KCNG2: variants seen among roughly 807,000 people sequenced by gnomAD.
KCNG2 encodes voltage-gated potassium channel regulatory subunit KCNG2.
In KCNG2, 7 loss-of-function variants were observed where a neutral mutation model predicts 12.3. That is an observed-to-expected ratio of 0.57 (90% CI 0.32 to 1.07). KCNG2 has a LOEUF of 1.07. KCNG2 is among the 50% of genes least tolerant of loss of function. The pLI, the probability that KCNG2 is intolerant of heterozygous loss-of-function variation, is 0.04. For missense variants in KCNG2, 703 were observed against 726.0 expected (o/e 0.97, Z 0.36); for synonymous variants, 414 against 351.4 (o/e 1.18, Z -1.99).
chr18:79,896,594 T>C (rs1980984775), intron 3 of KCNG2, among the ~76,000 whole-genome samples: 2 of 152,254 alleles, frequency 1.3e-5, no homozygotes, highest in African/African-American at 4.8e-5. Context: ...GTTATATACA[T>C]CTTATTTTTA....
chr18:79,868,375 G>A (rs142745985), intron 3 of KCNG2, among the ~76,000 whole-genome samples: 1 of 150,638 alleles, frequency 6.6e-6, no homozygotes, highest in Non-Finnish European at 1.5e-5. Flanking sequence ...CGCCCTCCGC[G>A]TGGGGCCTGG....
chr18:79,832,694 C>T (rs1978302933), intron 1 of KCNG2, among the ~76,000 whole-genome samples: 1 of 152,216 alleles, frequency 6.6e-6, no homozygotes, highest in Admixed American at 6.5e-5. Flanking sequence ...CTGCCCAGGC[C>T]ACAGCCAGAT....
chr18:79,877,607 A>G (rs1379247768), intron 3 of KCNG2, among the ~76,000 whole-genome samples: 1 of 150,774 alleles, frequency 6.6e-6, no homozygotes, highest in Non-Finnish European at 1.5e-5. Flanking sequence ...ACTCAGAATC[A>G]GCCTCGTTCC....
At chr18:79,827,277 G>A (rs2123015948) in intron 1 of KCNG2, among the ~76,000 whole-genome samples, 1 of 152,366 alleles carries the variant, frequency 6.6e-6, no homozygotes, top group Admixed American at 6.5e-5. Context: ...AGGAGATGTG[G>A]GTGGGATCCC....
At chr18:79,885,245 C>CTTTT (rs1980478909) in intron 3 of KCNG2, among the ~76,000 whole-genome samples, 1 of 152,198 alleles carries the variant, frequency 6.6e-6, no homozygotes, top group Non-Finnish European at 1.5e-5. Flanking sequence ...CAAAAAAAGC[C>CTTTT]AAACAATCTA....
intron 1 of KCNG2, among the ~76,000 whole-genome samples, chr18:79,827,927 C>CTTTCT (rs71338067): frequency 9.2e-5 from 13 of 141,130 alleles, no homozygotes; most frequent in African/African-American, 2.9e-4. Flanking sequence ...TTCTTTCTTT[C>CTTTCT]TTTTTTTTTT....
At chr18:79,885,031 C>G (rs1233614454) in intron 3 of KCNG2, among the ~76,000 whole-genome samples, 1 of 152,188 alleles carries the variant, frequency 6.6e-6, no homozygotes, top group African/African-American at 2.4e-5. Context: ...ACACCCCTCA[C>G]AGTCCCCATC....
intron 1 of KCNG2, among the ~76,000 whole-genome samples, chr18:79,850,878 C>G (rs527914836): frequency 6.6e-6 from 1 of 152,192 alleles, no homozygotes. Context: ...GGGCAGGCGC[C>G]GGACCAGGTG....
chr18:79,868,359 A>G (rs1368024910), intron 3 of KCNG2, among the ~76,000 whole-genome samples: 1 of 151,818 alleles, frequency 6.6e-6, no homozygotes, highest in African/African-American at 2.4e-5. Context: ...CCGGTTAAGA[A>G]GCAGTCGCCC....
chr18:79,814,633 A>G (rs489235), intron 1 of KCNG2, among the ~76,000 whole-genome samples: 142,089 of 152,296 alleles, frequency 0.93, 67,108 homozygotes, highest in East Asian at 1. Context: ...GTCAGCATCA[A>G]TCCTGGCGGT....
Position 79,899,761 on chromosome 18 carries a change from G to A in KCNG2, c.1346G>A (p.Ser449Asn), listed in dbSNP as rs1981142519. 3 of 1,535,972 alleles carry A rather than the reference G, an allele frequency of 2.0e-6. No homozygotes were observed. The highest frequency in any genetic ancestry group is 2.5e-5 in the East Asian group (1 of 40,312). ...ATEDSSQGPDSAGLADDSADA... is the reference protein window; with the variant it reads ...ATEDSSQGPDNAGLADDSADA... Reference sequence around the variant, plus strand: ...GAGGACAGCTCGCAGGGCCCCGACAGCGCGGGCCTGGCCGACGACTCCGCG... The same window carrying A: ...GAGGACAGCTCGCAGGGCCCCGACAACGCGGGCCTGGCCGACGACTCCGCG... The change falls in exon 4 of 4, where the codon AGC (serine) becomes AAC (asparagine). Residue 449 changes from serine (S) to asparagine (N), a missense_variant. By Grantham distance (46) the Ser-to-Asn change is conservative. Coordinates refer to ENST00000316249, the MANE Select transcript of KCNG2 (RefSeq NM_012283.2).
intron 3 of KCNG2, among the ~76,000 whole-genome samples, chr18:79,880,540 C>T (rs1407280600): frequency 4.6e-5 from 7 of 152,106 alleles, no homozygotes; most frequent in African/African-American, 1.7e-4. Context: ...ATAAATAACA[C>T]CAATTCTACA....
chr18:79,832,434 C>T (rs1181459743), intron 1 of KCNG2, among the ~76,000 whole-genome samples: 2 of 151,148 alleles, frequency 1.3e-5, no homozygotes, highest in Admixed American at 1.3e-4. Context: ...CTCACCTGTC[C>T]ATCCTTACCT....
chr18:79,833,048 T>C (rs1978304899), intron 1 of KCNG2, among the ~76,000 whole-genome samples: 1 of 152,206 alleles, frequency 6.6e-6, no homozygotes, highest in African/African-American at 2.4e-5. Context: ...TTTTGAAATT[T>C]GTATAATTTT....
At chr18:79,854,792 T>C (rs1055529149) in intron 1 of KCNG2, among the ~76,000 whole-genome samples, 1 of 152,160 alleles carries the variant, frequency 6.6e-6, no homozygotes, top group Non-Finnish European at 1.5e-5. Context: ...GGATTACAGG[T>C]GTGAGCCACC....
chr18:79,821,752 C>A (rs2087572129), intron 1 of KCNG2, among the ~76,000 whole-genome samples: 1 of 152,152 alleles, frequency 6.6e-6, no homozygotes. Context: ...AGGTGTAGGG[C>A]TCATCTCTGG....
chr18:79,812,920 G>T (rs2087502700), intron 1 of KCNG2, among the ~76,000 whole-genome samples: 1 of 152,140 alleles, frequency 6.6e-6, no homozygotes, highest in South Asian at 2.1e-4. Context: ...CACTTTGGGA[G>T]GCCAAGGAGG....
Position 79,825,809 on chromosome 18 carries a change from CAGA to C in KCNG2, c.-115+27798_-115+27800del, listed in dbSNP as rs528545566. ...TACCTGTATCGTCTGGGGGAAAATA[CAGA>C]AGGACAGAAAAAAGAAAGTAAAAAT... On this transcript the variant is annotated intron_variant, in intron 1 of 3. Coordinates refer to ENST00000316249, the MANE Select transcript of KCNG2 (RefSeq NM_012283.2). 2.9e-3 allele frequency among the ~76,000 whole-genome samples: 443 copies of C among 152,034 alleles called. 2 individuals are homozygous for C. The highest frequency in any genetic ancestry group is 9.9e-3 in the African/African-American group (411 of 41,496).
At chr18:79,855,490 A>G (rs1196111498) in intron 1 of KCNG2, among the ~76,000 whole-genome samples, 1 of 152,030 alleles carries the variant, frequency 6.6e-6, no homozygotes, top group African/African-American at 2.4e-5. Flanking sequence ...TGTCAGTTTC[A>G]GGGGTATCAC....
Sources: allele counts gnomAD v4.1 joint callset (sites outside exome capture counted in the v4.1 genomes callset), GRCh38; gene constraint gnomAD v4.1.1; transcripts MANE v1.5; gene names NCBI Gene and HGNC (gene_info 2026-07-23, HGNC 2026-07-21).